PALM2AKAP2: variants seen among roughly 807,000 people sequenced by gnomAD.
PALM2AKAP2 encodes PALM2-AKAP2 fusion protein.
Under a neutral mutation model 71.5 loss-of-function variants are expected in PALM2AKAP2, and 37 were observed. The observed-to-expected ratio is 0.52, with a 90% CI of 0.40 to 0.68. The LOEUF is 0.68. PALM2AKAP2 is among the 30% of genes least tolerant of loss of function. The pLI, the probability that PALM2AKAP2 is intolerant of heterozygous loss-of-function variation, is 0.00. For missense variants in PALM2AKAP2, 1,224 were observed against 1,191.8 expected, an observed-to-expected ratio of 1.03 and a Z score of -0.40; for synonymous variants, 468 against 478.8, an observed-to-expected ratio of 0.98 and a Z score of 0.29.
At position 109,711,160 on chromosome 9, in the gene PALM2AKAP2, A is replaced by AT. The variant is rs202160448; in HGVS notation, c.6-69325dup. Reference sequence around the variant, plus strand: ...ACAAGAGGGAATGACCTTGTTCTTAATTTAAAAAAAAAATGGAAAGGTGGT... The same window carrying AT: ...ACAAGAGGGAATGACCTTGTTCTTAATTTTAAAAAAAAAATGGAAAGGTGGT... On this transcript the variant is annotated intron_variant, in intron 1 of 6. Coordinates refer to the PALM2AKAP2 transcript ENST00000374531. 2.2e-3 allele frequency among the ~76,000 whole-genome samples: 297 copies of AT among 133,512 alleles called. 1 individual carries two copies. The highest frequency in any genetic ancestry group is 8.9e-3 in the African/African-American group (283 of 31,898). 87.6% of individuals were successfully genotyped at this position (133,512 alleles called of 152,430 possible). A position where few individuals can be genotyped will look rare whatever the true frequency, so the allele number is the denominator to read the frequency against.
intron 1 of PALM2AKAP2, among the ~76,000 whole-genome samples, chr9:110,095,339 T>C (rs1318952844): frequency 6.6e-6 from 1 of 152,192 alleles, no homozygotes; most frequent in Non-Finnish European, 1.5e-5. Flanking sequence ...CCTATTTAGT[T>C]ATTGAATATT....
chr9:110,101,428 A>G (rs1416013457), intron 1 of PALM2AKAP2, among the ~76,000 whole-genome samples: 1 of 152,072 alleles, frequency 6.6e-6, no homozygotes, highest in African/African-American at 2.4e-5. Context: ...TCTGCTTGAA[A>G]GACAAATAGA....
At chr9:109,698,271 C>CTTTTTT (rs1564117062) in intron 1 of PALM2AKAP2, among the ~76,000 whole-genome samples, 1 of 137,572 alleles carries the variant, frequency 7.3e-6, no homozygotes, top group African/African-American at 3.0e-5. Flanking sequence ...ATGTGTGCTA[C>CTTTTTT]ATTTTTTTTT....
rs527730395 is a variant in PALM2AKAP2 at position 109,755,875 on chromosome 9, T to C, written c.6-24613T>C. On this transcript the variant is annotated intron_variant, in intron 1 of 6. Coordinates refer to the PALM2AKAP2 transcript ENST00000374531. ...GTGCTTTTGCACAGAGTAATCATCA[T>C]CAATACATACTTGGTGAAAAACTGT... Among the ~76,000 whole-genome samples the C allele has an allele frequency of 5.3e-5, 8 of 152,270 alleles. No individual in the cohort carries two copies. The South Asian group carries it at 1.7e-3, about 32-fold the overall frequency.
At chr9:110,044,717 T>C (rs534285302), upstream of PALM2AKAP2, among the ~76,000 whole-genome samples, 1 of 152,140 alleles carries the variant, frequency 6.6e-6, no homozygotes, top group East Asian at 1.9e-4. Context: ...GTAGGACATA[T>C]TTAGCACTTG....
chr9:110,161,071 C>T (rs533282830), intron 3 of PALM2AKAP2, among the ~76,000 whole-genome samples: 1 of 152,322 alleles, frequency 6.6e-6, no homozygotes, highest in Non-Finnish European at 1.5e-5. Flanking sequence ...CTACAGGAAG[C>T]TCAGTGATGC....
intron 6 of PALM2AKAP2, among the ~76,000 whole-genome samples, chr9:110,010,197 A>G (rs1178596215): frequency 6.6e-6 from 1 of 152,166 alleles, no homozygotes; most frequent in African/African-American, 2.4e-5. Flanking sequence ...TCGCAGGGAA[A>G]TGCAAACTTA....
At chr9:109,775,226 C>T (rs544739118), upstream of PALM2AKAP2, among the ~76,000 whole-genome samples, 3 of 152,330 alleles carry the variant, frequency 2.0e-5, no homozygotes, top group South Asian at 6.2e-4. Flanking sequence ...CAAAGCTAAC[C>T]AAGAGAAAAG....
intron 1 of PALM2AKAP2, among the ~76,000 whole-genome samples, chr9:109,655,140 A>G (rs75206077): frequency 6.6e-6 from 1 of 151,942 alleles, no homozygotes; most frequent in Non-Finnish European, 1.5e-5. Context: ...CTAAAAGTAC[A>G]AAAAAATTAG....
At chr9:109,811,548 T>C (rs1827727247) in intron 1 of PALM2AKAP2, among the ~76,000 whole-genome samples, 1 of 152,172 alleles carries the variant, frequency 6.6e-6, no homozygotes, top group African/African-American at 2.4e-5. Flanking sequence ...AATTATCTGC[T>C]GTGTTGCTGT....
chr9:110,162,123 G>A, intron 3 of PALM2AKAP2: 1 of 1,614,062 alleles, frequency 6.2e-7, no homozygotes, highest in Non-Finnish European at 8.5e-7. Flanking sequence ...CTTGCAAGGT[G>A]ACTTCCGAGG....
intron 1 of PALM2AKAP2, among the ~76,000 whole-genome samples, chr9:110,111,960 G>C (rs971837178): frequency 1.3e-5 from 2 of 152,028 alleles, no homozygotes; most frequent in African/African-American, 2.4e-5. Context: ...CTGCATGTTG[G>C]GGAGGGGTCC....
At chr9:109,695,833 T>C (rs901813186) in intron 1 of PALM2AKAP2, among the ~76,000 whole-genome samples, 3 of 152,024 alleles carry the variant, frequency 2.0e-5, no homozygotes, top group Admixed American at 6.6e-5. Context: ...GTAGATCTCA[T>C]GGAGGTAGAG....
At chr9:110,001,947 A>G (rs1832689338) in intron 6 of PALM2AKAP2, among the ~76,000 whole-genome samples, 1 of 152,194 alleles carries the variant, frequency 6.6e-6, no homozygotes, top group African/African-American at 2.4e-5. Context: ...ATATACAATC[A>G]TGTCATCTGC....
chr9:109,648,416 G>A (rs909427411), intron 1 of PALM2AKAP2, among the ~76,000 whole-genome samples: 10 of 152,146 alleles, frequency 6.6e-5, no homozygotes, highest in African/African-American at 1.2e-4. Flanking sequence ...ACTGCTCCAA[G>A]CACTGAGAAT....
chr9:110,134,035 C>G (rs1469831412), intron 1 of PALM2AKAP2, among the ~76,000 whole-genome samples: 1 of 152,132 alleles, frequency 6.6e-6, no homozygotes, highest in Non-Finnish European at 1.5e-5. Flanking sequence ...GCCTGTAATC[C>G]CAGCACTCTG....
intron 1 of PALM2AKAP2, among the ~76,000 whole-genome samples, chr9:109,716,325 AATAG>A (rs369674137): frequency 1.3e-3 from 196 of 152,294 alleles, no homozygotes; most frequent in African/African-American, 4.5e-3. Flanking sequence ...AATCCAGATA[AATAG>A]ATAGATAAAC....
chr9:109,917,761 T>C (rs924837028), intron 3 of PALM2AKAP2, among the ~76,000 whole-genome samples: 1 of 152,208 alleles, frequency 6.6e-6, no homozygotes, highest in African/African-American at 2.4e-5. Flanking sequence ...CCCAAAGTGC[T>C]GGGATTACAG....
At chr9:109,839,615 A>C (rs568306905) in intron 1 of PALM2AKAP2, among the ~76,000 whole-genome samples, 5 of 152,246 alleles carry the variant, frequency 3.3e-5, no homozygotes, top group Admixed American at 6.5e-5. Context: ...TGCAGATGAC[A>C]TGATTGTACA....
Sources: gnomAD v4.1 joint callset for allele counts (sites outside exome capture counted in the v4.1 genomes callset) on GRCh38, gnomAD v4.1.1 for gene constraint, MANE v1.5 for transcripts, NCBI Gene and HGNC (gene_info 2026-07-23, HGNC 2026-07-21) for gene names.